The following CCDC3 variants were observed in gnomAD, a reference collection of about 807,000 sequenced individuals.
CCDC3 encodes coiled-coil domain-containing protein 3.
A neutral mutation model predicts 21.4 loss-of-function variants in CCDC3; 24 were observed. The ratio of observed to expected loss-of-function variants is 1.12; its 90% CI spans 0.81 to 1.58. The LOEUF is 1.58. Ranked by LOEUF, CCDC3 falls within the 40% of genes most tolerant of loss-of-function variation. CCDC3 has a pLI of 0.00. For synonymous variants in CCDC3, 186 were observed against 166.0 expected, an observed-to-expected ratio of 1.12 and a Z score of -0.93; for missense variants, 425 against 360.9, an observed-to-expected ratio of 1.18 and a Z score of -1.44.
At chr10:12,947,431 G>A (rs1025409085) in intron 2 of CCDC3, among the ~76,000 whole-genome samples, 4 of 151,980 alleles carry the variant, frequency 2.6e-5, no homozygotes, top group Admixed American at 6.6e-5. Context: ...TACAGGCGTG[G>A]GTCACCACAC....
intron 4 of CCDC3, among the ~76,000 whole-genome samples, chr10:13,050,962 A>C (rs1448223665): frequency 1.3e-5 from 2 of 151,572 alleles, no homozygotes; most frequent in Non-Finnish European, 2.9e-5. Flanking sequence ...AATTTAAAAA[A>C]ATTTTTTTTG....
chr10:13,051,388 C>T (rs746403329), intron 4 of CCDC3, among the ~76,000 whole-genome samples: 25 of 152,094 alleles, frequency 1.6e-4, no homozygotes, highest in Non-Finnish European at 2.9e-4. Flanking sequence ...GTGGGTCATT[C>T]GTGTGCAAAT....
intron 2 of CCDC3, among the ~76,000 whole-genome samples, chr10:12,975,093 G>T (rs144425557): frequency 5.3e-5 from 8 of 152,278 alleles, no homozygotes; most frequent in African/African-American, 1.9e-4. Context: ...AACTCACGCC[G>T]CTCTAGTCAC....
intron 5 of CCDC3, among the ~76,000 whole-genome samples, chr10:13,026,440 T>C (rs374296027): frequency 3.9e-5 from 6 of 152,348 alleles, no homozygotes; most frequent in African/African-American, 1.4e-4. Flanking sequence ...GTGTAGTTTT[T>C]AAATGGGAGT....
chr10:13,096,359 AT>A (rs1314845530), intron 3 of CCDC3, among the ~76,000 whole-genome samples: 1 of 151,962 alleles, frequency 6.6e-6, no homozygotes, highest in Non-Finnish European at 1.5e-5. Flanking sequence ...TAATTTTTAT[AT>A]TTTTAGTAGA....
chr10:12,968,096 A>C (rs11597592), intron 2 of CCDC3, among the ~76,000 whole-genome samples: 2 of 151,632 alleles, frequency 1.3e-5, no homozygotes, highest in Admixed American at 6.6e-5. Flanking sequence ...TTGAAGCTGG[A>C]AGGCAGAGTT....
intron 2 of CCDC3, among the ~76,000 whole-genome samples, chr10:12,906,666 C>A (rs1372462270): frequency 6.6e-6 from 1 of 152,178 alleles, no homozygotes; most frequent in African/African-American, 2.4e-5. Flanking sequence ...TGGGGTCTTG[C>A]TTAAGTCAAT....
intron 2 of CCDC3, among the ~76,000 whole-genome samples, chr10:12,911,597 G>A (rs1589000914): frequency 6.6e-6 from 1 of 152,042 alleles, no homozygotes; most frequent in Non-Finnish European, 1.5e-5. Context: ...CATGTACAAC[G>A]TGATCTGAAA....
At chr10:13,021,465 A>T (rs1450822707) in intron 5 of CCDC3, among the ~76,000 whole-genome samples, 2 of 152,160 alleles carry the variant, frequency 1.3e-5, no homozygotes, top group Admixed American at 1.3e-4. Flanking sequence ...TGATAACTTG[A>T]CTCTGACAAG....
intron 2 of CCDC3, among the ~76,000 whole-genome samples, chr10:12,935,805 G>A (rs532374451): frequency 3.9e-5 from 6 of 152,124 alleles, no homozygotes; most frequent in Middle Eastern, 3.4e-3. Flanking sequence ...ATCTGGGACT[G>A]CAGGCGTGAG....
At chr10:12,908,120 C>G (rs1013507964) in intron 2 of CCDC3, among the ~76,000 whole-genome samples, 1 of 152,208 alleles carries the variant, frequency 6.6e-6, no homozygotes, top group East Asian at 1.9e-4. Flanking sequence ...AGTTCTACTA[C>G]AGAGATCATA....
At chr10:12,985,628 A>G (rs1393033050) in intron 2 of CCDC3, among the ~76,000 whole-genome samples, 1 of 152,246 alleles carries the variant, frequency 6.6e-6, no homozygotes, top group African/African-American at 2.4e-5. Flanking sequence ...GATTAACCTC[A>G]AGGAAATTAT....
chr10:13,041,710 A>T (rs141558115), intron 5 of CCDC3, among the ~76,000 whole-genome samples: 81 of 150,650 alleles, frequency 5.4e-4, no homozygotes, highest in African/African-American at 1.9e-3. Flanking sequence ...CTGGTCTCGA[A>T]CTCCTGACCT....
chr10:13,066,065 G>C (rs1836816999), intron 4 of CCDC3, among the ~76,000 whole-genome samples: 1 of 152,108 alleles, frequency 6.6e-6, no homozygotes, highest in Non-Finnish European at 1.5e-5. Context: ...CATCTGAAAT[G>C]ATTGAGATGC....
chr10:12,944,989 G>T (rs1029266043), intron 2 of CCDC3, among the ~76,000 whole-genome samples: 1 of 152,138 alleles, frequency 6.6e-6, no homozygotes, highest in Non-Finnish European at 1.5e-5. Context: ...TCATTCTCAG[G>T]CCTAGCCAAA....
Position 12,996,629 on chromosome 10 carries a change from G to C in CCDC3, c.549+1709C>G, listed in dbSNP as rs573410007. Among the ~76,000 whole-genome samples the C allele has an allele frequency of 1.1e-3, 160 of 152,120 alleles. 1 individual carries two copies. Among genetic ancestry groups the C allele is most frequent in the Non-Finnish European group, 2.0e-3 (138 of 68,004 alleles). Reference sequence around the variant, plus strand: ...GGGATTACAGACATATGTCAAAGAAGAAGAAATCCTTTCCCTTAGTTGGAC... The same window carrying C: ...GGGATTACAGACATATGTCAAAGAACAAGAAATCCTTTCCCTTAGTTGGAC... On this transcript the variant is annotated intron_variant, in intron 2 of 2. Coordinates refer to ENST00000378825, the MANE Select transcript of CCDC3 (RefSeq NM_031455.4).
At chr10:12,964,590 G>A (rs925728172) in intron 2 of CCDC3, among the ~76,000 whole-genome samples, 11 of 152,168 alleles carry the variant, frequency 7.2e-5, no homozygotes, top group Non-Finnish European at 1.5e-4. Context: ...CCAGATCCCT[G>A]ATTAACCCGT....
intron 5 of CCDC3, among the ~76,000 whole-genome samples, chr10:13,024,985 C>G (rs1836196514): frequency 6.6e-6 from 1 of 152,192 alleles, no homozygotes; most frequent in Admixed American, 6.5e-5. Flanking sequence ...TGTGTTATTA[C>G]AGGACCTCAC....
At chr10:12,987,137 A>T (rs1304296751) in intron 2 of CCDC3, among the ~76,000 whole-genome samples, 1 of 152,104 alleles carries the variant, frequency 6.6e-6, no homozygotes, top group African/African-American at 2.4e-5. Context: ...GCCTGCACAC[A>T]TCCCTCCCCT....
Sources: allele counts gnomAD v4.1 joint callset (sites outside exome capture counted in the v4.1 genomes callset), GRCh38; gene constraint gnomAD v4.1.1; transcripts MANE v1.5; gene names NCBI Gene and HGNC (gene_info 2026-07-23, HGNC 2026-07-21).